The following PLCG2 variants were observed in gnomAD, a reference collection of about 807,000 sequenced individuals.
PLCG2 encodes phospholipase C gamma 2, also known as 1-phosphatidylinositol 4,5-bisphosphate phosphodiesterase gamma-2.
A neutral mutation model predicts 175.6 loss-of-function variants in PLCG2; 69 were observed. That is an observed-to-expected ratio of 0.39 (90% CI 0.32 to 0.48). PLCG2 has a LOEUF of 0.48. Among genes scored for constraint, PLCG2 ranks in the 20% least tolerant of loss-of-function variants. PLCG2 has a pLI of 0.91. For missense variants in PLCG2, 1,798 were observed against 1,650.9 expected, an observed-to-expected ratio of 1.09 and a Z score of -1.54; for synonymous variants, 827 against 624.0, an observed-to-expected ratio of 1.33 and a Z score of -4.85.
At chr16:81,841,663 G>C (rs1360190504) in intron 2 of PLCG2, among the ~76,000 whole-genome samples, 1 of 152,130 alleles carries the variant, frequency 6.6e-6, no homozygotes, top group Non-Finnish European at 1.5e-5. Context: ...CATACAGCCA[G>C]GAGAGAAAGA....
At chr16:81,769,171 C>G (rs1910218159) in intron 2 of PLCG2, among the ~76,000 whole-genome samples, 1 of 152,202 alleles carries the variant, frequency 6.6e-6, no homozygotes. Flanking sequence ...CACAAAGGAA[C>G]TCACCATGAG....
intron 2 of PLCG2, among the ~76,000 whole-genome samples, chr16:81,808,786 C>G (rs1293875583): frequency 6.6e-6 from 1 of 152,198 alleles, no homozygotes; most frequent in African/African-American, 2.4e-5. Context: ...AGCCACCTCA[C>G]CTGGCCACCA....
intron 4 of PLCG2, 56 bp downstream of exon 4, chr16:81,858,412 C>A: frequency 8.1e-7 from 1 of 1,229,458 alleles, no homozygotes; most frequent in Admixed American, 1.7e-5. Flanking sequence ...ATTCTGCTGC[C>A]TTTAGCCAAC....
chr16:81,752,975 G>A (rs947322167), intron 1 of PLCG2, among the ~76,000 whole-genome samples: 10 of 152,202 alleles, frequency 6.6e-5, no homozygotes, highest in Non-Finnish European at 1.0e-4. Flanking sequence ...GACCAACCAC[G>A]GTACTTCGAA....
intron 30 of PLCG2, among the ~76,000 whole-genome samples, chr16:81,941,065 A>AGTC (rs1910920307): frequency 6.6e-6 from 1 of 152,240 alleles, no homozygotes; most frequent in African/African-American, 2.4e-5. Flanking sequence ...AAAAAAATAC[A>AGTC]GTCTTTTGAT....
chr16:81,927,300 C>A lies in PLCG2; in HGVS notation c.2514+122C>A, dbSNP rs982882867. 5.7e-6 allele frequency: 4 copies of A among 699,110 alleles called. No individual in the cohort carries two copies. In the African/African-American group the frequency reaches 7.0e-5, roughly 12 times the overall value. The allele number at this position is 699,110 out of a possible 1,614,324, so 43.3% of individuals were successfully genotyped here. ...TGCTGCTTGTGGTCTCTGTGGAGCT[C>A]TGGATCAGGGAAGACACAGTGATGA... On this transcript the variant is annotated intron_variant, in intron 23 of 32. Transcript: ENST00000564138.
chr16:81,853,362 C>T (rs1023695097), intron 2 of PLCG2, among the ~76,000 whole-genome samples: 8 of 151,710 alleles, frequency 5.3e-5, no homozygotes, highest in African/African-American at 1.9e-4. Flanking sequence ...AAAAAAAAAC[C>T]ATTAGACCCT....
rs868812502 is a variant in PLCG2 at position 81,869,384 on chromosome 16, C to T, written c.564+86C>T. 3.2e-5 allele frequency: 30 copies of T among 924,768 alleles called. No individual in the cohort carries two copies. The Middle Eastern group carries it at 6.4e-4, about 20-fold the overall frequency. 57.3% of individuals were successfully genotyped at this position (924,768 alleles called of 1,614,324 possible). A position where few individuals can be genotyped will look rare whatever the true frequency, so the allele number is the denominator to read the frequency against. ...GAAGCCGTGGCTTGCCTTTGAGTTC[C>T]GTGGAATAGTGCACAAGAAAATCCT... On this transcript the variant is annotated intron_variant, in intron 6 of 32. Transcript: ENST00000564138.
rs542142158 is a variant in PLCG2, at chr16:81,900,516, T to G, written c.1194-96T>G. 1.2e-3 allele frequency: 1,359 copies of G among 1,142,706 alleles called. 2 individuals carry two copies. The highest frequency in any genetic ancestry group is 1.5e-3 in the Non-Finnish European group (1,244 of 826,754). 70.8% of individuals were successfully genotyped at this position (1,142,706 alleles called of 1,614,324 possible). On this transcript the variant is annotated intron_variant, in intron 13 of 32. Transcript: ENST00000564138. ...TTGTGCCCCCCGAGCAGCGCCCGGTTTCTGTCGTCCCAGGGAGCTGCCCTG... is the reference window on the plus strand; with the variant it reads ...TTGTGCCCCCCGAGCAGCGCCCGGTGTCTGTCGTCCCAGGGAGCTGCCCTG...
chr16:81,876,016 C>CTTTTTT (rs547152035), intron 7 of PLCG2, among the ~76,000 whole-genome samples: 1,673 of 114,840 alleles, frequency 0.015, 30 homozygotes, highest in Non-Finnish European at 0.02. Context: ...CTTTTTCTTT[C>CTTTTTT]TTTTTTTTTT....
intron 2 of PLCG2, among the ~76,000 whole-genome samples, chr16:81,795,842 G>T (rs972051449): frequency 3.3e-5 from 5 of 152,236 alleles, no homozygotes; most frequent in African/African-American, 1.2e-4. Context: ...TGGGATCACA[G>T]GCATGGGCCA....
intron 7 of PLCG2, among the ~76,000 whole-genome samples, chr16:81,875,784 G>C (rs4243219): frequency 0.67 from 101,689 of 152,052 alleles, 36,869 homozygotes; most frequent in East Asian, 0.95. Flanking sequence ...AATTGAGAAG[G>C]CTGCTAACGT....
At chr16:81,845,745 C>A (rs1906082259) in intron 2 of PLCG2, among the ~76,000 whole-genome samples, 1 of 152,340 alleles carries the variant, frequency 6.6e-6, no homozygotes, top group Non-Finnish European at 1.5e-5. Flanking sequence ...CCAAGATGCC[C>A]CTGCCTGATG....
intron 2 of PLCG2, among the ~76,000 whole-genome samples, chr16:81,824,806 C>A (rs975197036): frequency 1.3e-5 from 2 of 152,144 alleles, no homozygotes. Context: ...TCTTTGGAAC[C>A]TGTGGATATG....
At chr16:81,934,062 AAGAACT>A (rs1040635860) in intron 25 of PLCG2, among the ~76,000 whole-genome samples, 58 of 152,222 alleles carry the variant, frequency 3.8e-4, no homozygotes, top group African/African-American at 1.3e-3. Flanking sequence ...CGAGGATTTG[AAGAACT>A]AGAATTTGAG....
chr16:81,851,772 C>T (rs1309797804), intron 2 of PLCG2, among the ~76,000 whole-genome samples: 2 of 152,204 alleles, frequency 1.3e-5, no homozygotes, highest in African/African-American at 4.8e-5. Context: ...CTTGGCCTCC[C>T]AAAGTGCTGG....
At chr16:81,786,463 C>T (rs918889839) in intron 2 of PLCG2, among the ~76,000 whole-genome samples, 1 of 152,188 alleles carries the variant, frequency 6.6e-6, no homozygotes, top group African/African-American at 2.4e-5. Flanking sequence ...TGGTTCTGTG[C>T]CCTGTCTGAC....
At chr16:81,948,081 T>C (rs150862460) in intron 31 of PLCG2, among the ~76,000 whole-genome samples, 1 of 139,066 alleles carries the variant, frequency 7.2e-6, no homozygotes, top group Non-Finnish European at 1.7e-5. Context: ...GGCAGTTCTT[T>C]ACTTTATAAA....
chr16:81,909,894 C>G (rs1264696310), intron 17 of PLCG2, among the ~76,000 whole-genome samples: 4 of 151,762 alleles, frequency 2.6e-5, no homozygotes, highest in African/African-American at 9.7e-5. Flanking sequence ...CAGTGTGGCT[C>G]AGACAGCACG....
Sources: allele counts gnomAD v4.1 joint callset (sites outside exome capture counted in the v4.1 genomes callset), GRCh38; gene constraint gnomAD v4.1.1; transcripts MANE v1.5; gene names NCBI Gene and HGNC (gene_info 2026-07-23, HGNC 2026-07-21).